Variants in ARHGAP15 observed in about 807,000 individuals in gnomAD.
ARHGAP15 encodes Rho GTPase activating protein 15.
Under a neutral mutation model 63.7 loss-of-function variants are expected in ARHGAP15, and 51 were observed. The observed-to-expected ratio is 0.80, with a 90% CI of 0.64 to 1.01. ARHGAP15 has a LOEUF of 1.01. Among genes scored for constraint, ARHGAP15 ranks in the 50% least tolerant of loss-of-function variants. The pLI, the probability that ARHGAP15 is intolerant of heterozygous loss-of-function variation, is 0.00. For synonymous variants in ARHGAP15, 191 were observed against 193.8 expected, an observed-to-expected ratio of 0.99 and a Z score of 0.12; for missense variants, 560 against 564.6, an observed-to-expected ratio of 0.99 and a Z score of 0.08.
chr2:143,531,397 C>T (rs572732971), intron 10 of ARHGAP15, among the ~76,000 whole-genome samples: 18 of 152,274 alleles, frequency 1.2e-4, no homozygotes, highest in African/African-American at 4.3e-4. Context: ...CTTTTTCTAG[C>T]ATTCACTGTG....
chr2:143,749,383 C>T (rs140883534), intron 13 of ARHGAP15, among the ~76,000 whole-genome samples: 392 of 152,298 alleles, frequency 2.6e-3, no homozygotes, highest in African/African-American at 8.0e-3. Context: ...CACACGAAAA[C>T]GATCTTCATT....
At chr2:143,681,560 T>C (rs1224391513) in intron 12 of ARHGAP15, among the ~76,000 whole-genome samples, 1 of 152,200 alleles carries the variant, frequency 6.6e-6, no homozygotes, top group African/African-American at 2.4e-5. Flanking sequence ...CATAAAAGTC[T>C]TCATCACAGG....
At chr2:143,281,606 T>C (rs889919471) in intron 6 of ARHGAP15, among the ~76,000 whole-genome samples, 1 of 152,102 alleles carries the variant, frequency 6.6e-6, no homozygotes, top group Non-Finnish European at 1.5e-5. Context: ...GAACCCAATC[T>C]CTCAGATGTT....
At chr2:143,424,077 G>C (rs909027505) in intron 6 of ARHGAP15, among the ~76,000 whole-genome samples, 2 of 152,068 alleles carry the variant, frequency 1.3e-5, no homozygotes, top group Non-Finnish European at 2.9e-5. Context: ...CTATGGTCTA[G>C]AGCAGCAGAC....
chr2:143,218,406 T>TA (rs1692854694), intron 4 of ARHGAP15, among the ~76,000 whole-genome samples: 2 of 151,966 alleles, frequency 1.3e-5, no homozygotes, highest in Admixed American at 1.3e-4. Context: ...TAGCTGGTTT[T>TA]ATTTTATTAT....
At chr2:143,235,547 G>C (rs1361754332) in intron 5 of ARHGAP15, among the ~76,000 whole-genome samples, 1 of 152,064 alleles carries the variant, frequency 6.6e-6, no homozygotes, top group African/African-American at 2.4e-5. Flanking sequence ...CGTTCTCCAG[G>C]TGTCTTCATT....
intron 6 of ARHGAP15, among the ~76,000 whole-genome samples, chr2:143,251,691 A>T (rs2104981360): frequency 1.3e-5 from 2 of 152,226 alleles, no homozygotes; most frequent in Admixed American, 1.3e-4. Context: ...GAATATATGC[A>T]ATTATTATTT....
chr2:143,417,343 T>C (rs1253300189), intron 6 of ARHGAP15, among the ~76,000 whole-genome samples: 2 of 152,240 alleles, frequency 1.3e-5, no homozygotes, highest in East Asian at 3.9e-4. Context: ...TTACACATAC[T>C]TTCTTCTTTC....
chr2:143,316,100 AAAAT>A (rs1026212532), intron 6 of ARHGAP15, among the ~76,000 whole-genome samples: 17 of 152,230 alleles, frequency 1.1e-4, no homozygotes, highest in Admixed American at 2.0e-4. Context: ...AATAAAAATA[AAAAT>A]AAATAAATAT....
At chr2:143,301,269 T>C (rs1487673846) in intron 6 of ARHGAP15, among the ~76,000 whole-genome samples, 1 of 152,022 alleles carries the variant, frequency 6.6e-6, no homozygotes, top group Non-Finnish European at 1.5e-5. Context: ...TCTACACTAA[T>C]AATGTTTTGA....
chr2:143,463,245 TATA>T (rs1691039789), intron 8 of ARHGAP15, among the ~76,000 whole-genome samples: 2 of 151,468 alleles, frequency 1.3e-5, no homozygotes, highest in African/African-American at 2.4e-5. Context: ...ATATCCATAA[TATA>T]TATATATTAT....
intron 6 of ARHGAP15, among the ~76,000 whole-genome samples, chr2:143,357,206 G>A (rs905273219): frequency 1.3e-5 from 2 of 152,092 alleles, no homozygotes; most frequent in Non-Finnish European, 2.9e-5. Flanking sequence ...TGTGCATTCT[G>A]CAGTCAGGCA....
chr2:143,382,117 C>T (rs944492684), intron 6 of ARHGAP15, among the ~76,000 whole-genome samples: 1 of 138,210 alleles, frequency 7.2e-6, no homozygotes, highest in African/African-American at 3.4e-5. Flanking sequence ...CTTCCTTCCT[C>T]CCTCCCTCCT....
intron 13 of ARHGAP15, among the ~76,000 whole-genome samples, chr2:143,761,384 A>G (rs1686754569): frequency 6.6e-6 from 1 of 152,164 alleles, no homozygotes; most frequent in African/African-American, 2.4e-5. Context: ...TTGGAAAATC[A>G]TGGCATTCCA....
chr2:143,371,387 T>C (rs577214796), intron 6 of ARHGAP15, among the ~76,000 whole-genome samples: 1 of 152,274 alleles, frequency 6.6e-6, no homozygotes, highest in South Asian at 2.1e-4. Flanking sequence ...TATTTGGCAA[T>C]CTCTAGAGTT....
In ARHGAP15 at chr2:143,231,335, C is replaced by A. The variant is rs545265575; in HGVS notation, c.384+2667C>A. Among the ~76,000 whole-genome samples, 117 of 152,058 alleles carry A rather than the reference C, an allele frequency of 7.7e-4. 1 individual carries two copies. Among genetic ancestry groups the A allele is most frequent in the African/African-American group, 2.7e-3 (114 of 41,492 alleles). ...ATTATTACATTAGTTTTGTACTTGACCTGATTCAGACATTTATAGAAGAGA... is the reference window on the plus strand; with the variant it reads ...ATTATTACATTAGTTTTGTACTTGAACTGATTCAGACATTTATAGAAGAGA... On this transcript the variant is annotated intron_variant, in intron 5 of 13. Coordinates refer to ENST00000295095, the MANE Select transcript of ARHGAP15 (RefSeq NM_018460.4).
chr2:143,465,588 T>G (rs1032982775), intron 8 of ARHGAP15, among the ~76,000 whole-genome samples: 1 of 152,130 alleles, frequency 6.6e-6, no homozygotes, highest in African/African-American at 2.4e-5. Flanking sequence ...AGGTAATGCT[T>G]TGTATTTTTT....
intron 6 of ARHGAP15, among the ~76,000 whole-genome samples, chr2:143,339,287 CTT>C (rs1209500776): frequency 6.6e-6 from 1 of 152,030 alleles, no homozygotes; most frequent in African/African-American, 2.4e-5. Context: ...GGGCAAGTCT[CTT>C]TTCTCTACTC....
chr2:143,555,739 C>A (rs1400780447), intron 10 of ARHGAP15, among the ~76,000 whole-genome samples: 3 of 152,016 alleles, frequency 2.0e-5, no homozygotes, highest in African/African-American at 7.2e-5. Context: ...AATGGAGCAC[C>A]TCATTACCTA....
Sources: gnomAD v4.1 joint callset for allele counts (sites outside exome capture counted in the v4.1 genomes callset) on GRCh38, gnomAD v4.1.1 for gene constraint, MANE v1.5 for transcripts, NCBI Gene and HGNC (gene_info 2026-07-23, HGNC 2026-07-21) for gene names.